Variants in PIGL observed in about 807,000 individuals in gnomAD.
PIGL encodes N-acetylglucosaminyl-phosphatidylinositol de-N-acetylase.
A neutral mutation model predicts 31.1 loss-of-function variants in PIGL; 22 were observed. That is an observed-to-expected ratio of 0.71 (90% CI 0.51 to 1.01). PIGL has a LOEUF of 1.01. Ranked by LOEUF, PIGL falls within the 50% of genes least tolerant of loss-of-function variation. PIGL has a pLI of 0.00. For synonymous variants in PIGL, 131 were observed against 117.4 expected, an observed-to-expected ratio of 1.12 and a Z score of -0.75; for missense variants, 302 against 315.9, an observed-to-expected ratio of 0.96 and a Z score of 0.33.
intron 2 of PIGL, among the ~76,000 whole-genome samples, chr17:16,265,085 G>C (rs1004849323): frequency 3.3e-5 from 5 of 152,170 alleles, no homozygotes; most frequent in Non-Finnish European, 5.9e-5. Context: ...ACTGGCTGCA[G>C]AGTAGTGGTA....
intron 2 of PIGL, among the ~76,000 whole-genome samples, chr17:16,237,738 G>A (rs2092705236): frequency 6.8e-6 from 1 of 146,124 alleles, no homozygotes; most frequent in Non-Finnish European, 1.5e-5. Flanking sequence ...GGTGGAGGCT[G>A]CAGTGAGCCA....
intron 2 of PIGL, among the ~76,000 whole-genome samples, chr17:16,274,916 T>C (rs1254488365): frequency 1.3e-4 from 18 of 143,474 alleles, no homozygotes; most frequent in African/African-American, 4.7e-4. Flanking sequence ...CCTGTAATCC[T>C]AGCTACTCAG....
intron 2 of PIGL, among the ~76,000 whole-genome samples, chr17:16,248,206 A>C (rs2142720719): frequency 6.6e-6 from 1 of 152,154 alleles, no homozygotes; most frequent in Non-Finnish European, 1.5e-5. Context: ...TCATTTTTTT[A>C]CAATATGGAC....
chr17:16,312,154 C>T (rs2093054400), intron 3 of PIGL, among the ~76,000 whole-genome samples: 1 of 149,074 alleles, frequency 6.7e-6, no homozygotes, highest in Non-Finnish European at 1.5e-5. Context: ...CCCCCACCTC[C>T]CTCCCGGACG....
intron 1 of PIGL, among the ~76,000 whole-genome samples, chr17:16,230,383 C>T (rs1052190134): frequency 2.0e-5 from 3 of 152,088 alleles, no homozygotes; most frequent in Admixed American, 6.6e-5. Context: ...CTCAGTTATG[C>T]GTCAAAATCT....
intron 2 of PIGL, among the ~76,000 whole-genome samples, chr17:16,291,983 A>G (rs1029871174): frequency 1.3e-5 from 2 of 152,040 alleles, no homozygotes; most frequent in African/African-American, 4.8e-5. Context: ...AAAAGGATTA[A>G]AAAGTAGATA....
Position 16,220,943 on chromosome 17 carries a change from T to G in PIGL, c.235+3482T>G, listed in dbSNP as rs143662058. Among the ~76,000 whole-genome samples the G allele has an allele frequency of 5.3e-5, 8 of 152,304 alleles. No individual in the cohort carries two copies. In the East Asian group the frequency reaches 1.5e-3, roughly 29 times the overall value. On this transcript the variant is annotated intron_variant, in intron 1 of 6. Transcript: ENST00000225609. ...CCACTGAGCATGGCCTGTTTGTTTA[T>G]TTTATAAAAATGGGGTCTTGTTCTG...
intron 2 of PIGL, among the ~76,000 whole-genome samples, chr17:16,255,733 G>A (rs1398222086): frequency 2.0e-5 from 3 of 152,172 alleles, no homozygotes; most frequent in South Asian, 2.1e-4. Context: ...TTAAAATAAA[G>A]CCTCCTGCAG....
At chr17:16,322,706 C>T (rs974736270) in intron 6 of PIGL, among the ~76,000 whole-genome samples, 1 of 152,084 alleles carries the variant, frequency 6.6e-6, no homozygotes, top group Non-Finnish European at 1.5e-5. Flanking sequence ...AGTCAGTGCT[C>T]GAAGTGCTTT....
At chr17:16,251,741 A>G (rs1356250535) in intron 2 of PIGL, among the ~76,000 whole-genome samples, 3 of 151,746 alleles carry the variant, frequency 2.0e-5, no homozygotes, top group Non-Finnish European at 4.4e-5. Context: ...CTAGAATGAC[A>G]CTGTGCTAGA....
At chr17:16,268,263 G>T (rs1044043160) in intron 2 of PIGL, among the ~76,000 whole-genome samples, 2 of 152,134 alleles carry the variant, frequency 1.3e-5, no homozygotes, top group Admixed American at 6.6e-5. Context: ...GCCCCAAGCT[G>T]CATGCTATGA....
chr17:16,218,941 A>G (rs1255827627), intron 1 of PIGL, among the ~76,000 whole-genome samples: 4 of 152,104 alleles, frequency 2.6e-5, no homozygotes, highest in Non-Finnish European at 5.9e-5. Context: ...GGCCTCCCAA[A>G]GTGCTTGGGA....
chr17:16,229,560 A>G (rs906370067), intron 1 of PIGL, among the ~76,000 whole-genome samples: 5 of 149,580 alleles, frequency 3.3e-5, no homozygotes, highest in African/African-American at 1.2e-4. Flanking sequence ...GAATTGACAA[A>G]CTGTTTTCTG....
At chr17:16,263,964 C>T (rs2092830254) in intron 2 of PIGL, among the ~76,000 whole-genome samples, 1 of 148,984 alleles carries the variant, frequency 6.7e-6, no homozygotes, top group Admixed American at 6.8e-5. Context: ...GCCTCAGCCT[C>T]CCGAGTAGCT....
At chr17:16,301,719 C>T (rs2093005695) in intron 3 of PIGL, among the ~76,000 whole-genome samples, 1 of 151,788 alleles carries the variant, frequency 6.6e-6, no homozygotes, top group Non-Finnish European at 1.5e-5. Context: ...CTACAGGCGC[C>T]CACCACCACA....
At chr17:16,266,279 T>TGG (rs1216105999) in intron 2 of PIGL, among the ~76,000 whole-genome samples, 1 of 141,992 alleles carries the variant, frequency 7.0e-6, no homozygotes, top group African/African-American at 2.6e-5. Flanking sequence ...CCCTGCATGA[T>TGG]GGGGGAGGCT....
At chr17:16,320,751 C>T (rs2093102027) in intron 6 of PIGL, among the ~76,000 whole-genome samples, 2 of 151,850 alleles carry the variant, frequency 1.3e-5, no homozygotes, top group Non-Finnish European at 1.5e-5. Context: ...TCTTCTGTCT[C>T]AGCCTCTCCA....
chr17:16,305,984 C>G (rs1340989010), intron 3 of PIGL, among the ~76,000 whole-genome samples: 1 of 152,152 alleles, frequency 6.6e-6, no homozygotes, highest in Admixed American at 6.6e-5. Flanking sequence ...GAGTCTCACT[C>G]TGTCACCAGG....
chr17:16,317,236 C>T (rs943588619), intron 5 of PIGL: 1 of 1,003,870 alleles, frequency 1.0e-6, no homozygotes, highest in East Asian at 9.4e-5. Flanking sequence ...GTAGTTTGTG[C>T]CCTTTCTATG....
Sources: allele counts gnomAD v4.1 joint callset (sites outside exome capture counted in the v4.1 genomes callset), GRCh38; gene constraint gnomAD v4.1.1; transcripts MANE v1.5; gene names NCBI Gene and HGNC (gene_info 2026-07-23, HGNC 2026-07-21).